Variants in TUT1 observed in about 807,000 individuals in gnomAD.
TUT1 encodes the protein terminal uridylyl transferase 1, U6 snRNA-specific, also known as speckle targeted PIP5K1A-regulated poly(A) polymerase.
Under a neutral mutation model 48.8 loss-of-function variants are expected in TUT1, and 26 were observed. The ratio of observed to expected loss-of-function variants is 0.53; its 90% CI spans 0.39 to 0.74. The LOEUF is 0.74. Among genes scored for constraint, TUT1 ranks in the 30% least tolerant of loss-of-function variants. TUT1 has a pLI of 0.00. For synonymous variants in TUT1, 470 were observed against 460.8 expected (o/e 1.02, Z -0.26); for missense variants, 1,065 against 1,114.8 (o/e 0.96, Z 0.64).
At position 62,581,540 on chromosome 11, in the gene TUT1, G is replaced by C; in HGVS notation, c.435C>G (p.Asp145Glu). 6.2e-7 allele frequency: 1 copy of C among 1,613,914 alleles called. No individual in the cohort carries two copies. Among genetic ancestry groups the C allele is most frequent in the Non-Finnish European group, 8.5e-7 (1 of 1,179,932 alleles). ...ASKSPKGAAPDSHQLAKALAE... is the reference protein window; with the variant it reads ...ASKSPKGAAPESHQLAKALAE... ...CTAGCGCTTTGGCCAGCTGGTGACT[G>C]TCGGGGGCCGCTCCTTTGGGGGATT... The change falls in exon 3 of 9, where the codon GAC (aspartate) becomes GAG (glutamate). Residue 145 changes from aspartate to glutamate, a missense_variant. Physicochemically the swap from Asp to Glu is conservative, Grantham distance 45. Transcript: ENST00000476907.
chr11:62,577,668 A>T (rs1941751980), intron 5 of TUT1, among the ~76,000 whole-genome samples: 1 of 151,962 alleles, frequency 6.6e-6, no homozygotes, highest in Admixed American at 6.6e-5. Context: ...GAAGGAAAGG[A>T]GAGAGGGCAA....
intron 2 of TUT1, chr11:62,582,474 T>C: frequency 1.1e-5 from 4 of 368,850 alleles, no homozygotes; most frequent in South Asian, 7.7e-5. Flanking sequence ...CACACACCTG[T>C]AGTTCCAATT....
intron 2 of TUT1, 68 bp downstream of exon 2, chr11:62,588,958 TGATGG>T: frequency 1.4e-6 from 2 of 1,420,856 alleles, no homozygotes; most frequent in Non-Finnish European, 1.9e-6. Flanking sequence ...CCTCCCAAAG[TGATGG>T]GATTACAGGC....
chr11:62,588,026 C>A (rs1356708236), intron 2 of TUT1, among the ~76,000 whole-genome samples: 1 of 152,224 alleles, frequency 6.6e-6, no homozygotes. Context: ...GTATGTTGTT[C>A]TTTAAGCACC....
chr11:62,579,923 C>A (rs1419778449), intron 4 of TUT1, among the ~76,000 whole-genome samples: 1 of 151,820 alleles, frequency 6.6e-6, no homozygotes. Context: ...GCCTTGCCTC[C>A]CAAAGTGCTG....
At chr11:62,590,614 G>A (rs1271985424) in intron 1 of TUT1, among the ~76,000 whole-genome samples, 7 of 150,974 alleles carry the variant, frequency 4.6e-5, no homozygotes, top group Non-Finnish European at 1.5e-5. Flanking sequence ...TCCAGCCTGG[G>A]TGACAGAGTG....
rs748191823 is a variant in TUT1, at chr11:62,575,447, C to T, written c.2272G>A (p.Ala758Thr). 2.5e-6 allele frequency: 4 copies of T among 1,611,196 alleles called. No individual in the cohort carries two copies. Among genetic ancestry groups the T allele is most frequent in the Non-Finnish European group, 3.4e-6 (4 of 1,179,992 alleles). Residue 758 changes from alanine (A) to threonine (T), a missense_variant, in exon 9 of 9, where the codon GCA becomes ACA. By Grantham distance (58) the Ala-to-Thr change is moderately conservative. Transcript: ENST00000476907. ...CAGCTCGCTGAGGAGGGCAGGGATG[C>T]CCCCTTCCCTGCCTCACCCTGAGAC... ...EWSQGEAGKG[A>T]SLPSSASWRC... is the part of the protein sequence containing the mutation.
intron 2 of TUT1, among the ~76,000 whole-genome samples, chr11:62,585,296 C>T (rs1390338297): frequency 6.6e-6 from 1 of 152,144 alleles, no homozygotes; most frequent in Non-Finnish European, 1.5e-5. Flanking sequence ...TTACTTCTAC[C>T]CCTATGCCAA....
Position 62,575,522 on chromosome 11 carries a change from C to A in TUT1, c.2197G>T (p.Ala733Ser). Residue 733 changes from alanine (A) to serine (S), a missense_variant, in exon 9 of 9, where the codon GCA becomes TCA. Coordinates refer to ENST00000476907, the MANE Select transcript of TUT1 (RefSeq NM_022830.3). ...APGEEGQPSHAALAERGPKGH... is the reference protein window; with the variant it reads ...APGEEGQPSHSALAERGPKGH... Reference sequence around the variant, plus strand: ...TTGGGCCCCCGCTCTGCCAGGGCTGCGTGGCTGGGCTGCCCCTCTTCTCCA... The same window carrying A: ...TTGGGCCCCCGCTCTGCCAGGGCTGAGTGGCTGGGCTGCCCCTCTTCTCCA... 1 of 1,613,436 alleles carries A rather than the reference C, an allele frequency of 6.2e-7. No homozygotes were observed. Among genetic ancestry groups the A allele is most frequent in the Non-Finnish European group, 8.5e-7 (1 of 1,180,030 alleles).
rs141051400 is a variant in TUT1 at position 62,581,045 on chromosome 11, C to T, written c.690+61G>A. The T allele has an allele frequency of 9.7e-6, 13 of 1,346,322 alleles. No homozygotes were observed. The East Asian group carries it at 2.1e-4, about 21-fold the overall frequency. The allele number at this position is 1,346,322 out of a possible 1,614,324, so 83.4% of individuals were successfully genotyped here. A position where few individuals can be genotyped will look rare whatever the true frequency, so the allele number is the denominator to read the frequency against. On this transcript the variant is annotated intron_variant, in intron 4 of 8. Transcript: ENST00000476907. ...GACATGGAGAGCTAAAGGACTTGCC[C>T]ACAGTCACATGGCCATTCTCATGGA...
Position 62,578,963 on chromosome 11 carries a change from G to T in TUT1, c.758C>A (p.Ala253Asp). The change falls in exon 5 of 9, where the codon GCC becomes GAC. Residue 253 changes from alanine to aspartate, a missense_variant. Physicochemically the swap from Ala to Asp is moderately radical, Grantham distance 126 (BLOSUM62 -2). Transcript: ENST00000476907. Reference sequence around the variant, plus strand: ...AGGGGAAGCTGGGGTGCAGGCCAGGGCTTGAGGGTCCAGTGGGGAAGCCAG... The same window carrying T: ...AGGGGAAGCTGGGGTGCAGGCCAGGTCTTGAGGGTCCAGTGGGGAAGCCAG... ...SALASPLDPQ[A>D]LACTPASPPD... 3 of 1,534,364 alleles carry T rather than the reference G, an allele frequency of 2.0e-6. No individual in the cohort carries two copies. Among genetic ancestry groups the T allele is most frequent in the South Asian group, 2.6e-5 (2 of 77,468 alleles).
At chr11:62,586,786 C>G (rs944018923) in intron 2 of TUT1, among the ~76,000 whole-genome samples, 2 of 150,208 alleles carry the variant, frequency 1.3e-5, no homozygotes, top group East Asian at 4.1e-4. Flanking sequence ...TGTGGTGGCA[C>G]GCGCCTGCAG....
Position 62,589,464 on chromosome 11 carries a change from C to T in TUT1, c.83-243G>A, listed in dbSNP as rs527885314. 2.6e-5 allele frequency among the ~76,000 whole-genome samples: 4 copies of T among 151,988 alleles called. No homozygotes were observed. The East Asian group carries it at 7.7e-4, about 29-fold the overall frequency. ...TGTCGCCCCCGCTGGAGTTCAGTGG[C>T]GCAGTCTCCACTCACTGCAACGTCT... On this transcript the variant is annotated intron_variant, in intron 1 of 8. Coordinates refer to ENST00000476907, the MANE Select transcript of TUT1 (RefSeq NM_022830.3).
chr11:62,575,285 G>T lies in TUT1; in HGVS notation c.2434C>A (p.Gln812Lys), dbSNP rs573829216. Residue 812 changes from glutamine to lysine, a missense_variant, in exon 9 of 9, where the codon CAG becomes AAG. Coordinates refer to ENST00000476907, the MANE Select transcript of TUT1 (RefSeq NM_022830.3). The part of the protein sequence containing the change: ...GWLATEAQVT[Q>K]ELKGLSGGEE... ...CCACCACTCAGTCCTTTCAGCTCCT[G>T]GGTGACCTGAGCCTCAGTCGCCAGC... The T allele has an allele frequency of 3.7e-6, 6 of 1,614,192 alleles. No individual in the cohort carries two copies. In the African/African-American group the frequency reaches 6.7e-5, roughly 18 times the overall value.
At position 62,589,230 on chromosome 11, in the gene TUT1, A is replaced by C. The variant is rs1565040262; in HGVS notation, c.83-9T>G. ...GGCATCAAGGCTGGGTCCTGCAAAGACAAGTGTGAGACAAAAACATGCAAA... is the reference window on the plus strand; with the variant it reads ...GGCATCAAGGCTGGGTCCTGCAAAGCCAAGTGTGAGACAAAAACATGCAAA... On this transcript the variant is annotated splice_polypyrimidine_tract_variant and intron_variant, in intron 1 of 8. Coordinates refer to ENST00000476907, the MANE Select transcript of TUT1 (RefSeq NM_022830.3). 3 of 1,613,190 alleles carry C rather than the reference A, an allele frequency of 1.9e-6. No individual in the cohort carries two copies. Among genetic ancestry groups the C allele is most frequent in the Non-Finnish European group, 2.5e-6 (3 of 1,179,334 alleles).
chr11:62,580,143 C>G (rs1297653064), intron 4 of TUT1, among the ~76,000 whole-genome samples: 1 of 152,012 alleles, frequency 6.6e-6, no homozygotes, highest in Non-Finnish European at 1.5e-5. Flanking sequence ...TAAACAGAAT[C>G]TGTACATTAG....
intron 2 of TUT1, chr11:62,582,368 C>T (rs1168003956): frequency 9.0e-6 from 2 of 221,750 alleles, no homozygotes; most frequent in African/African-American, 2.4e-5. Flanking sequence ...TGCAATGAGC[C>T]GAGATCGCAC....
At chr11:62,591,279 G>A in intron 1 of TUT1, 125 bp downstream of exon 1, 10 of 1,394,018 alleles carry the variant, frequency 7.2e-6, no homozygotes, top group Middle Eastern at 2.7e-4. Context: ...AGAGAAAAAC[G>A]GAGGTGAGAG....
intron 2 of TUT1, among the ~76,000 whole-genome samples, chr11:62,583,175 G>A (rs981714991): frequency 1.3e-4 from 20 of 151,100 alleles, no homozygotes; most frequent in African/African-American, 4.1e-4. Flanking sequence ...AACACTGTGC[G>A]AGGCATAAAT....
Sources: allele counts gnomAD v4.1 joint callset (sites outside exome capture counted in the v4.1 genomes callset), GRCh38; gene constraint gnomAD v4.1.1; transcripts MANE v1.5; gene names NCBI Gene and HGNC (gene_info 2026-07-23, HGNC 2026-07-21).